KSR2: variants seen among roughly 807,000 people sequenced by gnomAD.
The protein encoded by KSR2 is kinase suppressor of ras 2.
In KSR2, 25 loss-of-function variants were observed where a neutral mutation model predicts 107.8. The ratio of observed to expected loss-of-function variants is 0.23; its 90% CI spans 0.17 to 0.32. The LOEUF (loss-of-function observed/expected upper bound fraction) is 0.32, where lower values mean the gene tolerates loss of function less well. KSR2 is among the 10% of genes least tolerant of loss of function. KSR2 has a pLI of 1.00. For synonymous variants in KSR2, 480 were observed against 507.0 expected, an observed-to-expected ratio of 0.95 and a Z score of 0.71; for missense variants, 887 against 1,268.9, an observed-to-expected ratio of 0.70 and a Z score of 4.57.
intron 3 of KSR2, among the ~76,000 whole-genome samples, chr12:117,806,950 G>A (rs762975915): frequency 6.6e-6 from 1 of 152,166 alleles, no homozygotes; most frequent in Non-Finnish European, 1.5e-5. Flanking sequence ...TCACTTCCCA[G>A]AGTGCCTGTC....
At chr12:117,518,743 T>C (rs1264299872) in intron 14 of KSR2, among the ~76,000 whole-genome samples, 1 of 152,214 alleles carries the variant, frequency 6.6e-6, no homozygotes, top group Non-Finnish European at 1.5e-5. Context: ...CTATAGCTCC[T>C]CAAACGTACC....
chr12:117,648,564 C>A (rs2136428235), intron 5 of KSR2, among the ~76,000 whole-genome samples: 1 of 152,336 alleles, frequency 6.6e-6, no homozygotes. Context: ...CTTTACAGAG[C>A]ACAGTCTTGT....
chr12:117,692,744 C>A (rs991720062), intron 4 of KSR2, among the ~76,000 whole-genome samples: 1 of 151,938 alleles, frequency 6.6e-6, no homozygotes, highest in Non-Finnish European at 1.5e-5. Flanking sequence ...CGATTTGAGA[C>A]ATGATGAATC....
chr12:117,648,114 T>C (rs537750524), intron 5 of KSR2, among the ~76,000 whole-genome samples: 5 of 152,280 alleles, frequency 3.3e-5, no homozygotes, highest in East Asian at 1.9e-4. Context: ...CATATATATA[T>C]TGCTTAACCT....
At chr12:117,739,082 G>A (rs940986888) in intron 4 of KSR2, among the ~76,000 whole-genome samples, 10 of 152,084 alleles carry the variant, frequency 6.6e-5, no homozygotes, top group Non-Finnish European at 1.2e-4. Flanking sequence ...TTGGACGGGC[G>A]CAGCGGCTCA....
In KSR2 at chr12:117,829,715, A is replaced by C. The variant is rs184750962; in HGVS notation, c.472+25713T>G. 2.0e-5 allele frequency among the ~76,000 whole-genome samples: 3 copies of C among 152,348 alleles called. No individual in the cohort carries two copies. In the East Asian group the frequency reaches 5.8e-4, roughly 29 times the overall value. Reference sequence around the variant, plus strand: ...GACCACACGGTCTCTGTTGCAACTAATCAATTCAACCATTGTGGTACAAAG... The same window carrying C: ...GACCACACGGTCTCTGTTGCAACTACTCAATTCAACCATTGTGGTACAAAG... On this transcript the variant is annotated intron_variant, in intron 3 of 19. Transcript: ENST00000339824.
rs186218658 is a variant in KSR2, at chr12:117,801,259, G to A, written c.473-39735C>T. ...TGCCTCCTGAGTAGCTGGGATTATG[G>A]GCATCTGCCACCATGCCCGGCTAAT... On this transcript the variant is annotated intron_variant, in intron 3 of 19. Transcript: ENST00000339824. 6.5e-3 allele frequency among the ~76,000 whole-genome samples: 980 copies of A among 151,920 alleles called. 4 individuals are homozygous for A. Among genetic ancestry groups the A allele is most frequent in the Non-Finnish European group, 0.011 (727 of 67,964 alleles).
intron 1 of KSR2, among the ~76,000 whole-genome samples, chr12:117,929,376 T>C (rs1421553600): frequency 2.0e-5 from 3 of 152,212 alleles, no homozygotes; most frequent in African/African-American, 4.8e-5. Flanking sequence ...GAAGGTTTTA[T>C]AAGGGGAAAC....
chr12:117,667,374 A>C (rs1884698869), intron 5 of KSR2, 100 bp downstream of exon 5: 1 of 1,144,800 alleles, frequency 8.7e-7, no homozygotes, highest in Admixed American at 2.0e-5. Context: ...CCTTGAGATA[A>C]AGAAGAGAGA....
intron 7 of KSR2, among the ~76,000 whole-genome samples, chr12:117,572,282 T>C (rs959729982): frequency 6.6e-6 from 1 of 152,158 alleles, no homozygotes; most frequent in Non-Finnish European, 1.5e-5. Flanking sequence ...CCGACCTTGA[T>C]GTAGCACCAC....
At position 117,462,937 on chromosome 12, in the gene KSR2, CG is replaced by C. The variant is rs1870976631; in HGVS notation, c.*4261del. ...ATGTGCAGTCACAGAGGAAAGGCCA[CG>C]TGAGGTCACGATCAGAGGGCAGCTG... On this transcript the variant is annotated 3_prime_UTR_variant, in exon 20 of 20. Coordinates refer to ENST00000339824, the MANE Select transcript of KSR2 (RefSeq NM_173598.6). 1 of 152,160 alleles carries C rather than the reference CG, an allele frequency of 6.6e-6. No homozygotes were observed. Among genetic ancestry groups the C allele is most frequent in the Non-Finnish European group, 1.5e-5 (1 of 68,066 alleles). The allele number at this position is 152,160 out of a possible 1,614,324, so 9.4% of individuals were successfully genotyped here. A position where few individuals can be genotyped will look rare whatever the true frequency, so the allele number is the denominator to read the frequency against.
chr12:117,534,375 C>A (rs79070912), intron 10 of KSR2, among the ~76,000 whole-genome samples: 14 of 152,234 alleles, frequency 9.2e-5, no homozygotes, highest in African/African-American at 3.4e-4. Context: ...TGTGGCTGGG[C>A]CTTTGCCTTA....
chr12:117,528,489 A>G (rs1198104225), intron 12 of KSR2, among the ~76,000 whole-genome samples: 1 of 151,664 alleles, frequency 6.6e-6, no homozygotes, highest in Non-Finnish European at 1.5e-5. Context: ...CCTGACCCTC[A>G]GATTGCAGGA....
At chr12:117,698,060 C>T (rs1886145481) in intron 4 of KSR2, among the ~76,000 whole-genome samples, 1 of 152,072 alleles carries the variant, frequency 6.6e-6, no homozygotes, top group South Asian at 2.1e-4. Flanking sequence ...ACTGCCGGCA[C>T]ATCACTAGAA....
intron 7 of KSR2, among the ~76,000 whole-genome samples, chr12:117,578,518 C>T (rs1879427032): frequency 6.7e-6 from 1 of 148,448 alleles, no homozygotes; most frequent in East Asian, 2.0e-4. Flanking sequence ...AGGAGAATTG[C>T]TTGAACCCAG....
rs79315182 is a variant in KSR2 at position 117,547,647 on chromosome 12, G to A, written c.1518+7522C>T. ...CTGTGGTGTTTGGCTGGGGTAGGAC[G>A]GTTATTGGGTAAAAGTTTTCTTGCT... On this transcript the variant is annotated intron_variant, in intron 9 of 19. Coordinates refer to ENST00000339824, the MANE Select transcript of KSR2 (RefSeq NM_173598.6). Among the ~76,000 whole-genome samples, 77 of 152,240 alleles carry A rather than the reference G, an allele frequency of 5.1e-4. 3 individuals carry two copies. The East Asian group carries it at 0.011, about 23-fold the overall frequency.
intron 3 of KSR2, among the ~76,000 whole-genome samples, chr12:117,772,333 CAT>C (rs1889515679): frequency 6.8e-6 from 1 of 147,276 alleles, no homozygotes; most frequent in Non-Finnish European, 1.5e-5. Context: ...CACACTCACA[CAT>C]ACACACCATT....
chr12:117,517,997 G>A (rs934899338), intron 14 of KSR2: 19 of 386,908 alleles, frequency 4.9e-5, no homozygotes, highest in Admixed American at 2.4e-4. Flanking sequence ...TTGAAAGCAT[G>A]GAAAACAGGA....
chr12:117,716,883 G>C (rs1439689754), intron 4 of KSR2, among the ~76,000 whole-genome samples: 1 of 152,202 alleles, frequency 6.6e-6, no homozygotes, highest in African/African-American at 2.4e-5. Context: ...TCTGTAATGA[G>C]ATTTTCTGGC....
Sources: gnomAD v4.1 joint callset for allele counts (sites outside exome capture counted in the v4.1 genomes callset) on GRCh38, gnomAD v4.1.1 for gene constraint, MANE v1.5 for transcripts, NCBI Gene and HGNC (gene_info 2026-07-23, HGNC 2026-07-21) for gene names.